MGST3: variants seen among roughly 807,000 people sequenced by gnomAD.
The protein encoded by MGST3 is glutathione S-transferase 3, mitochondrial.
In MGST3, 13 loss-of-function variants were observed where a neutral mutation model predicts 15.8. The ratio of observed to expected loss-of-function variants is 0.82; its 90% CI spans 0.54 to 1.31. The LOEUF is 1.31. MGST3 is among the 50% of genes most tolerant of loss of function. The pLI, the probability that MGST3 is intolerant of heterozygous loss-of-function variation, is 0.00. For missense variants in MGST3, 155 were observed against 192.4 expected (o/e 0.81, Z 1.15); for synonymous variants, 49 against 68.1 (o/e 0.72, Z 1.38).
At chr1:165,634,237 A>G (rs1229350358) in intron 1 of MGST3, among the ~76,000 whole-genome samples, 1 of 152,142 alleles carries the variant, frequency 6.6e-6, no homozygotes, top group African/African-American at 2.4e-5. Flanking sequence ...GGCTGAGAGC[A>G]CAAACTGGAG....
chr1:165,651,945 C>T (rs1324377666), intron 3 of MGST3, 33 bp from the exon 4 acceptor site: 34 of 1,334,328 alleles, frequency 2.5e-5, no homozygotes, highest in Non-Finnish European at 3.5e-5. Context: ...TTAAAAAGGG[C>T]ACTTTTTAAA....
intron 1 of MGST3, chr1:165,632,249 AG>A: frequency 9.9e-6 from 16 of 1,612,628 alleles, no homozygotes; most frequent in Non-Finnish European, 1.4e-5. Context: ...GATGCCCTGG[AG>A]GGGAAGGCGC....
chr1:165,646,358 G>GT (rs760776925), intron 1 of MGST3: 4 of 152,200 alleles, frequency 2.6e-5, no homozygotes, highest in African/African-American at 7.2e-5. Context: ...GCAAATGATA[G>GT]TTTTTTTGAA....
Position 165,651,033 on chromosome 1 carries a change from C to T in MGST3, c.137C>T (p.Thr46Met), listed in dbSNP as rs199834809. The change falls in exon 3 of 6, where the codon ACG becomes ATG. Residue 46 changes from threonine to methionine, a missense_variant. Physicochemically the swap from Thr to Met is moderately conservative, Grantham distance 81. Transcript: ENST00000367889. ...YKVEYPIMYS[T>M]DPENGHIFNC... ...TGACAGTATCCTATCATGTACAGCACGGACCCTGAAAATGGGCACATCTTC... is the reference window on the plus strand; with the variant it reads ...TGACAGTATCCTATCATGTACAGCATGGACCCTGAAAATGGGCACATCTTC... 363 of 1,614,182 alleles carry T rather than the reference C, an allele frequency of 2.2e-4. 5 individuals are homozygous for T. In the South Asian group the frequency reaches 2.9e-3, roughly 13 times the overall value.
intron 4 of MGST3, 130 bp from the exon 5 acceptor site, chr1:165,654,149 C>G (rs4147604): frequency 0.24 from 192,354 of 805,284 alleles, 36,245 homozygotes; most frequent in East Asian, 0.83. Context: ...ACCTAATTTG[C>G]GTGGGGAGTA....
chr1:165,655,660 C>G lies in MGST3; in HGVS notation c.*156C>G, dbSNP rs939464325. On this transcript the variant is annotated 3_prime_UTR_variant, in exon 6 of 6. Transcript: ENST00000367889. ...CACTCATTTCCGTTTGAGTCTGTAT[C>G]TGAAATCAGTAGCCTAGTCCTACTA... The G allele has an allele frequency of 1.1e-6, 1 of 889,244 alleles. No homozygotes were observed. The highest frequency in any genetic ancestry group is 1.7e-6 in the Non-Finnish European group (1 of 580,982). 55.1% of individuals were successfully genotyped at this position (889,244 alleles called of 1,614,324 possible).
In MGST3 at chr1:165,655,458, G is replaced by A. The variant is rs759038746; in HGVS notation, c.413G>A (p.Gly138Asp). ...GTGTGCTCTGCTTTCCAGCATCTTGGTTGGGTTAAAAGTGGCTTGGGCAGT... is the reference window on the plus strand; with the variant it reads ...GTGTGCTCTGCTTTCCAGCATCTTGATTGGGTTAAAAGTGGCTTGGGCAGT... ...TTVCSAFQHL[G>D]WVKSGLGSGP... is the part of the protein sequence containing the mutation. Residue 138 changes from glycine to aspartate, a missense_variant, in exon 6 of 6, where the codon GGT (glycine) becomes GAT (aspartate). Physicochemically the swap from Gly to Asp is moderately conservative, Grantham distance 94. Transcript: ENST00000367889. The A allele has an allele frequency of 9.9e-6, 16 of 1,613,996 alleles. No individual in the cohort carries two copies. The highest frequency in any genetic ancestry group is 1.0e-5 in the Non-Finnish European group (12 of 1,180,028).
chr1:165,643,569 GA>G (rs1429291551), intron 1 of MGST3, among the ~76,000 whole-genome samples: 1 of 141,540 alleles, frequency 7.1e-6, no homozygotes, highest in Non-Finnish European at 1.5e-5. Flanking sequence ...AAAAAAAAAA[GA>G]AAAAATATAC....
At chr1:165,640,921 G>C (rs570640001) in intron 1 of MGST3, among the ~76,000 whole-genome samples, 1 of 152,164 alleles carries the variant, frequency 6.6e-6, no homozygotes, top group African/African-American at 2.4e-5. Context: ...TTGGCCAGGT[G>C]CCTGTAATCC....
intron 1 of MGST3, 162 bp from the exon 2 acceptor site, chr1:165,649,679 T>C: frequency 5.3e-6 from 4 of 758,898 alleles, no homozygotes; most frequent in Non-Finnish European, 8.9e-6. Flanking sequence ...TTTTATATGG[T>C]ACTGTCTTTG....
chr1:165,641,438 C>T (rs575861749), intron 1 of MGST3, among the ~76,000 whole-genome samples: 1 of 152,306 alleles, frequency 6.6e-6, no homozygotes, highest in South Asian at 2.1e-4. Flanking sequence ...CTAATTAGAC[C>T]AGCCTTTTGC....
intron 3 of MGST3, 125 bp downstream of exon 3, chr1:165,651,212 T>C: frequency 1.2e-6 from 1 of 814,400 alleles, no homozygotes; most frequent in Non-Finnish European, 2.1e-6. Context: ...GGGCACCTCA[T>C]TAAAAGTATT....
At chr1:165,633,546 G>A (rs1648015054) in intron 1 of MGST3, among the ~76,000 whole-genome samples, 1 of 151,896 alleles carries the variant, frequency 6.6e-6, no homozygotes, top group African/African-American at 2.4e-5. Flanking sequence ...AAATGAGCAA[G>A]CAATGGGAGC....
intron 4 of MGST3, among the ~76,000 whole-genome samples, chr1:165,652,454 G>A (rs932995237): frequency 1.3e-5 from 2 of 148,778 alleles, no homozygotes; most frequent in Admixed American, 6.7e-5. Context: ...TTTTTGTTGT[G>A]GGGTGTGGGG....
chr1:165,654,150 G>C, intron 4 of MGST3, 129 bp from the exon 5 acceptor site: 12 of 816,718 alleles, frequency 1.5e-5, no homozygotes, highest in South Asian at 1.1e-4. Flanking sequence ...CCTAATTTGC[G>C]TGGGGAGTAG....
At chr1:165,638,373 T>G (rs1648171090) in intron 1 of MGST3, among the ~76,000 whole-genome samples, 1 of 150,740 alleles carries the variant, frequency 6.6e-6, no homozygotes, top group South Asian at 2.1e-4. Flanking sequence ...TCAGCTACTT[T>G]GAGGCAGAAG....
intron 1 of MGST3, among the ~76,000 whole-genome samples, chr1:165,642,210 C>A (rs1648280998): frequency 6.6e-6 from 1 of 152,226 alleles, no homozygotes; most frequent in Non-Finnish European, 1.5e-5. Flanking sequence ...TCTGGCTGTT[C>A]CCTGTTCGTC....
Position 165,651,072 on chromosome 1 carries a change from G to A in MGST3, c.176G>A (p.Arg59Gln), listed in dbSNP as rs570133110. ...ENGHIFNCIQ[R>Q]AHQNTLEVYP... ...GGGCACATCTTCAACTGCATTCAGC[G>A]AGCCCACCAGAACACGTGAGTGTCG... The change falls in exon 3 of 6, where the codon CGA becomes CAA. Residue 59 changes from arginine to glutamine, a missense_variant. By Grantham distance (43) the Arg-to-Gln change is conservative (BLOSUM62 1). Transcript: ENST00000367889. The A allele has an allele frequency of 6.8e-6, 11 of 1,614,132 alleles. No homozygotes were observed. In the African/African-American group the frequency reaches 8.0e-5, roughly 12 times the overall value.
At chr1:165,631,414 C>T (rs1647938987) in intron 1 of MGST3, 121 bp downstream of exon 1, 1 of 152,730 alleles carries the variant, frequency 6.5e-6, no homozygotes, top group African/African-American at 2.4e-5. Context: ...CTGTCTCTAA[C>T]CTCCCCCCAC....
Sources: allele counts gnomAD v4.1 joint callset (sites outside exome capture counted in the v4.1 genomes callset), GRCh38; gene constraint gnomAD v4.1.1; transcripts MANE v1.5; gene names NCBI Gene and HGNC (gene_info 2026-07-23, HGNC 2026-07-21).